The following PTPRO variants were observed in gnomAD, a reference collection of about 807,000 sequenced individuals.
The protein encoded by PTPRO is receptor-type tyrosine-protein phosphatase O.
In PTPRO, 62 loss-of-function variants were observed where a neutral mutation model predicts 145.2. The observed-to-expected ratio is 0.43, with a 90% CI of 0.35 to 0.53. The LOEUF is 0.53. Ranked by LOEUF, PTPRO falls within the 20% of genes least tolerant of loss-of-function variation. The probability of loss-of-function intolerance (pLI) is 0.01; values close to 1 mark genes in which losing one functional copy is unlikely to be tolerated. For synonymous variants in PTPRO, 565 were observed against 514.7 expected (o/e 1.10, Z -1.32); for missense variants, 1,345 against 1,482.7 (o/e 0.91, Z 1.53).
At chr12:15,550,291 T>C (rs1026757222) in intron 14 of PTPRO, among the ~76,000 whole-genome samples, 3 of 152,194 alleles carry the variant, frequency 2.0e-5, no homozygotes, top group African/African-American at 4.8e-5. Context: ...AAAATATATG[T>C]ACTATTCATT....
Position 15,572,093 on chromosome 12 carries a change from A to G in PTPRO, c.2829+2595A>G, listed in dbSNP as rs1027131984. On this transcript the variant is annotated intron_variant, in intron 19 of 26. Coordinates refer to ENST00000281171, the MANE Select transcript of PTPRO (RefSeq NM_030667.3). Reference sequence around the variant, plus strand: ...CTCACTACAGTGTTGCTACTAATTAACATTCTAAAAAATATGTTTTTTTCT... The same window carrying G: ...CTCACTACAGTGTTGCTACTAATTAGCATTCTAAAAAATATGTTTTTTTCT... Among the ~76,000 whole-genome samples the G allele has an allele frequency of 4.6e-5, 7 of 152,296 alleles. No homozygotes were observed. In the East Asian group the frequency reaches 5.8e-4, roughly 13 times the overall value.
intron 1 of PTPRO, among the ~76,000 whole-genome samples, chr12:15,360,881 CATACACATGT>C (rs1323284650): frequency 2.2e-5 from 2 of 89,972 alleles, no homozygotes; most frequent in African/African-American, 7.7e-5. Flanking sequence ...TATATACACA[CATACACATGT>C]GTATATACAC....
rs547112041 is a variant in PTPRO, at chr12:15,438,475, C to G, written c.76-45499C>G. Among the ~76,000 whole-genome samples the G allele has an allele frequency of 6.6e-4, 100 of 152,040 alleles. No individual in the cohort carries two copies. The Middle Eastern group carries it at 0.014, about 21-fold the overall frequency. Reference sequence around the variant, plus strand: ...ACAAAAGGAAATTTCTAAAGCAACCCAGGAAATGAACAAAAAGATAAACAT... The same window carrying G: ...ACAAAAGGAAATTTCTAAAGCAACCGAGGAAATGAACAAAAAGATAAACAT... On this transcript the variant is annotated intron_variant, in intron 1 of 26. Transcript: ENST00000281171.
At chr12:15,542,996 T>C (rs1176250384) in intron 12 of PTPRO, among the ~76,000 whole-genome samples, 2 of 152,220 alleles carry the variant, frequency 1.3e-5, no homozygotes, top group African/African-American at 4.8e-5. Flanking sequence ...CTTTCACTTG[T>C]GAAATCTTGT....
chr12:15,582,330 C>T (rs535826276), intron 23 of PTPRO, among the ~76,000 whole-genome samples: 3 of 152,316 alleles, frequency 2.0e-5, no homozygotes, highest in African/African-American at 7.2e-5. Context: ...GGGGCCTGTT[C>T]CCAACAGACA....
At chr12:15,487,063 C>A (rs895145799) in intron 2 of PTPRO, among the ~76,000 whole-genome samples, 29 of 152,052 alleles carry the variant, frequency 1.9e-4, no homozygotes, top group Non-Finnish European at 2.1e-4. Flanking sequence ...ATGCAGCAAG[C>A]CCTGAACACC....
Position 15,322,725 on chromosome 12 carries a change from C to T in PTPRO, c.-2C>T, listed in dbSNP as rs746870773. On this transcript the variant is annotated 5_prime_UTR_variant, in exon 1 of 27. Transcript: ENST00000281171. This position sits in a 1 kb window ranked among gnomAD's most constrained non-coding sequence, Gnocchi z 6.3. ...TGCCCCCGAGTCCCCGTCCGCGCAG[C>T]GATGGGGCACCTGCCCACGGGGATA... is the stretch of plus-strand genomic sequence containing the variant. 10 of 1,610,900 alleles carry T rather than the reference C, an allele frequency of 6.2e-6. No homozygotes were observed. In the East Asian group the frequency reaches 1.8e-4, roughly 29 times the overall value.
At chr12:15,422,392 T>G (rs1940170776) in intron 1 of PTPRO, among the ~76,000 whole-genome samples, 1 of 152,158 alleles carries the variant, frequency 6.6e-6, no homozygotes, top group Admixed American at 6.5e-5. Context: ...ACTTTATGAT[T>G]AATAAAATCA....
chr12:15,366,163 T>C (rs867273082), intron 1 of PTPRO, among the ~76,000 whole-genome samples: 1 of 152,222 alleles, frequency 6.6e-6, no homozygotes, highest in South Asian at 2.1e-4. Flanking sequence ...CATGTTTTTC[T>C]GTTTTGTTCC....
intron 25 of PTPRO, among the ~76,000 whole-genome samples, chr12:15,589,813 T>C (rs1944509169): frequency 6.6e-6 from 1 of 152,236 alleles, no homozygotes; most frequent in East Asian, 1.9e-4. Flanking sequence ...GGCATCATAA[T>C]TCAGAGTGCA....
At chr12:15,382,063 C>A (rs1938878385) in intron 1 of PTPRO, among the ~76,000 whole-genome samples, 2 of 150,664 alleles carry the variant, frequency 1.3e-5, no homozygotes, top group Admixed American at 1.3e-4. Context: ...CAAACAGAGA[C>A]CAAGATAAAA....
At chr12:15,407,868 C>T (rs1325203328) in intron 1 of PTPRO, among the ~76,000 whole-genome samples, 2 of 152,144 alleles carry the variant, frequency 1.3e-5, no homozygotes, top group African/African-American at 2.4e-5. Context: ...ACTTTACCTT[C>T]CTAGCAATTT....
At chr12:15,488,913 T>A (rs897090635) in intron 2 of PTPRO, among the ~76,000 whole-genome samples, 1 of 152,138 alleles carries the variant, frequency 6.6e-6, no homozygotes, top group African/African-American at 2.4e-5. Context: ...TGGAATCAGT[T>A]CCTTGGAAAT....
In PTPRO at chr12:15,501,929, A is replaced by G. The variant is rs200091173; in HGVS notation, c.971A>G (p.Asn324Ser). The G allele has an allele frequency of 6.2e-7, 1 of 1,614,088 alleles. No individual in the cohort carries two copies. The stretch of plus-strand genomic sequence containing the variant: ...GTACTTCCCATGGAATACGAAAATA[A>G]CAGTACACTCAGTGAGACAGAGAAG... ...VSVLPMEYEN[N>S]STLSETEKST... is the part of the protein sequence containing the mutation. The change falls in exon 5 of 27, where the codon AAC becomes AGC. Residue 324 changes from asparagine (N) to serine (S), a missense_variant. By Grantham distance (46) the Asn-to-Ser change is conservative. This residue lies in a region of PTPRO where 1,130 missense variants were observed against 1,214.7 expected (regional missense o/e 0.93). Coordinates refer to ENST00000281171, the MANE Select transcript of PTPRO (RefSeq NM_030667.3).
intron 12 of PTPRO, among the ~76,000 whole-genome samples, chr12:15,545,433 T>C (rs913725558): frequency 2.0e-5 from 3 of 150,972 alleles, no homozygotes. Context: ...GCACTCTGCA[T>C]ACTGGGGGAC....
At chr12:15,404,188 CAAAAAA>C (rs370733389) in intron 1 of PTPRO, among the ~76,000 whole-genome samples, 1 of 49,964 alleles carries the variant, frequency 2.0e-5, no homozygotes, top group African/African-American at 6.2e-5. Context: ...GACCCCATCT[CAAAAAA>C]AAAAAAAAAA....
chr12:15,388,982 A>C (rs12580947), intron 1 of PTPRO, among the ~76,000 whole-genome samples: 27,948 of 152,034 alleles, frequency 0.18, 3,315 homozygotes, highest in Admixed American at 0.3. Context: ...GATCAAGGAA[A>C]AAGGTTTTAT....
chr12:15,434,883 A>G (rs75161065), intron 1 of PTPRO, among the ~76,000 whole-genome samples: 2,639 of 152,320 alleles, frequency 0.017, 83 homozygotes, highest in African/African-American at 0.06. Context: ...TACTATATCC[A>G]TAATAATTTT....
At chr12:15,566,767 C>G (rs1214630507) in intron 18 of PTPRO, among the ~76,000 whole-genome samples, 1 of 152,076 alleles carries the variant, frequency 6.6e-6, no homozygotes, top group East Asian at 1.9e-4. Context: ...GTGATCCACC[C>G]TCCTCAGCCT....
Sources: allele counts gnomAD v4.1 joint callset (sites outside exome capture counted in the v4.1 genomes callset), GRCh38; gene constraint gnomAD v4.1.1; regional missense constraint gnomAD v4.1.1; non-coding constraint Gnocchi (gnomAD v3.1); transcripts MANE v1.5; gene names NCBI Gene and HGNC (gene_info 2026-07-23, HGNC 2026-07-21).